The following XPO1 variants were observed in gnomAD, a reference collection of about 807,000 sequenced individuals.
XPO1 encodes exportin 1.
A neutral mutation model predicts 133.3 loss-of-function variants in XPO1; 5 were observed. The observed-to-expected ratio is 0.04, with a 90% CI of 0.02 to 0.08. XPO1 has a LOEUF of 0.08. Ranked by LOEUF, XPO1 falls within the 10% of genes least tolerant of loss-of-function variation. XPO1 has a pLI of 1.00. For synonymous variants in XPO1, 419 were observed against 408.2 expected (o/e 1.03, Z -0.32); for missense variants, 506 against 1,267.5 (o/e 0.40, Z 9.12).
At position 61,533,757 on chromosome 2, in the gene XPO1, G is replaced by T; in HGVS notation, c.126+15C>A. ...CACTGTCATAATGTTATAAAGTTTT[G>T]GTTGGCTACTTTACCTGGGCTCCTT... On this transcript the variant is annotated intron_variant, in intron 2 of 24. Coordinates refer to ENST00000401558, the MANE Select transcript of XPO1 (RefSeq NM_003400.4). The T allele has an allele frequency of 1.3e-6, 2 of 1,572,142 alleles. No individual in the cohort carries two copies. The highest frequency in any genetic ancestry group is 1.2e-5 in the South Asian group (1 of 83,102).
intron 9 of XPO1, 135 bp downstream of exon 9, chr2:61,498,538 A>T: frequency 8.8e-7 from 1 of 1,139,748 alleles, no homozygotes; most frequent in Non-Finnish European, 1.2e-6. Flanking sequence ...TGAATATGGG[A>T]AATTTCTCCT....
chr2:61,482,328 A>C, intron 23 of XPO1, 52 bp downstream of exon 23: 1 of 1,509,124 alleles, frequency 6.6e-7, no homozygotes, highest in Non-Finnish European at 8.9e-7. Flanking sequence ...TACAGGTGTG[A>C]GCCACTGTGC....
rs546377907 is a variant in XPO1, at chr2:61,535,676, ACT to A, written c.-6-1775_-6-1774del. ...TGATATGATGTAAAAATAATGTAAA[ACT>A]CAAGAAATTAGGAGTTCAAGAATTG... is the stretch of plus-strand genomic sequence containing the variant. On this transcript the variant is annotated intron_variant, in intron 1 of 24. Coordinates refer to ENST00000401558, the MANE Select transcript of XPO1 (RefSeq NM_003400.4). Among the ~76,000 whole-genome samples, 90 of 152,328 alleles carry A rather than the reference ACT, an allele frequency of 5.9e-4. 1 individual carries two copies. In the South Asian group the frequency reaches 0.016, roughly 28 times the overall value.
intron 4 of XPO1, among the ~76,000 whole-genome samples, chr2:61,514,546 T>G (rs1698263512): frequency 6.8e-6 from 1 of 147,122 alleles, no homozygotes; most frequent in Non-Finnish European, 1.5e-5. Flanking sequence ...TCAGCCGAGA[T>G]CAGGCCACTG....
intron 2 of XPO1, among the ~76,000 whole-genome samples, chr2:61,532,833 GA>G (rs111927772): frequency 5.6e-4 from 76 of 134,986 alleles, no homozygotes; most frequent in Non-Finnish European, 5.8e-4. Context: ...GACTCCATCT[GA>G]AAAAAAAAAA....
rs61072503 is a variant in XPO1 at position 61,491,459 on chromosome 2, A to AACACACACACACACACAC, written c.1887+558_1887+575dup. Among the ~76,000 whole-genome samples the AACACACACACACACACAC allele has an allele frequency of 9.8e-4, 140 of 142,998 alleles. 1 individual carries two copies. The highest frequency in any genetic ancestry group is 1.3e-3 in the African/African-American group (51 of 38,104). The allele number at this position is 142,998 out of a possible 152,430, so 93.8% of individuals were successfully genotyped here. A position where few individuals can be genotyped will look rare whatever the true frequency, so the allele number is the denominator to read the frequency against. On this transcript the variant is annotated intron_variant, in intron 16 of 24. Transcript: ENST00000401558. The stretch of plus-strand genomic sequence containing the variant: ...GAGTGAAACTCCATCTCAAAAAACA[A>AACACACACACACACACAC]ACACACACACACACACACACACACA...
chr2:61,516,586 G>T (rs991301493), intron 4 of XPO1, among the ~76,000 whole-genome samples: 1 of 151,708 alleles, frequency 6.6e-6, no homozygotes, highest in Admixed American at 6.6e-5. Flanking sequence ...GGCTAATTTT[G>T]TATTTGTAGT....
chr2:61,525,399 G>GA (rs937924077), intron 3 of XPO1: 253 of 981,500 alleles, frequency 2.6e-4, no homozygotes, highest in East Asian at 1.0e-3. Flanking sequence ...CATCTTTAAA[G>GA]AAAAAAAAAT....
rs1573133216 is a variant in XPO1 at position 61,494,059 on chromosome 2, T to C, written c.1080A>G (p.Val360=). Residue 360 remains valine, a synonymous_variant, in exon 12 of 25, where the codon GTA becomes GTG. Transcript: ENST00000401558. ...AAATTTTAAAGATTTCAGTTTCTTC[T>C]ACTTCAGATACCAACAACATATAAT... is the stretch of plus-strand genomic sequence containing the variant. ...ALHYMLLVSE[V]EETEIFKICL... The C allele has an allele frequency of 6.2e-7, 1 of 1,613,954 alleles. No homozygotes were observed. The highest frequency in any genetic ancestry group is 1.3e-5 in the African/African-American group (1 of 75,056).
intron 4 of XPO1, among the ~76,000 whole-genome samples, chr2:61,520,174 G>C (rs1201685031): frequency 6.6e-6 from 1 of 152,058 alleles, no homozygotes; most frequent in Non-Finnish European, 1.5e-5. Context: ...AAAGCAAAGC[G>C]AATACCTTTA....
chr2:61,502,333 T>TA (rs768477035), intron 4 of XPO1, 23 bp from the exon 5 acceptor site: 5 of 1,602,934 alleles, frequency 3.1e-6, no homozygotes, highest in African/African-American at 1.3e-5. Flanking sequence ...TTGCACGTAA[T>TA]AAAAAAATTG....
At position 61,478,578 on chromosome 2, in the gene XPO1, A is replaced by C. The variant is rs1041027011; in HGVS notation, c.*242T>G. 5 of 435,696 alleles carry C rather than the reference A, an allele frequency of 1.1e-5. No homozygotes were observed. The highest frequency in any genetic ancestry group is 1.9e-5 in the Non-Finnish European group (5 of 256,766). The allele number at this position is 435,696 out of a possible 1,614,324, so 27.0% of individuals were successfully genotyped here. A position where few individuals can be genotyped will look rare whatever the true frequency, so the allele number is the denominator to read the frequency against. On this transcript the variant is annotated 3_prime_UTR_variant, in exon 25 of 25. Coordinates refer to ENST00000401558, the MANE Select transcript of XPO1 (RefSeq NM_003400.4). ...AGCCACAAAAATGGGCATGAAGTAA[A>C]ATTTTTAAAAATGCCTTAATTTTCA...
chr2:61,489,156 A>G (rs1696842173), intron 17 of XPO1, among the ~76,000 whole-genome samples: 1 of 151,140 alleles, frequency 6.6e-6, no homozygotes, highest in African/African-American at 2.4e-5. Flanking sequence ...GCTCACACCT[A>G]TAATCCCAGC....
intron 4 of XPO1, among the ~76,000 whole-genome samples, chr2:61,512,978 G>A (rs1283217645): frequency 2.0e-5 from 3 of 152,182 alleles, no homozygotes; most frequent in African/African-American, 7.2e-5. Context: ...CTGGCCAGGA[G>A]ACAGAGCATG....
chr2:61,484,172 A>T, intron 20 of XPO1, 67 bp from the exon 21 acceptor site: 1 of 1,389,034 alleles, frequency 7.2e-7, no homozygotes, highest in Non-Finnish European at 1.0e-6. Flanking sequence ...GGAGGGGAAA[A>T]GCAAGGCTTA....
At chr2:61,510,310 C>G (rs150625321) in intron 4 of XPO1, among the ~76,000 whole-genome samples, 58 of 152,218 alleles carry the variant, frequency 3.8e-4, no homozygotes, top group Non-Finnish European at 5.0e-4. Flanking sequence ...CAAAATCGAT[C>G]TTTTGAAAGA....
intron 24 of XPO1, among the ~76,000 whole-genome samples, chr2:61,479,454 C>G (rs532399726): frequency 1.8e-3 from 191 of 108,942 alleles, no homozygotes; most frequent in Non-Finnish European, 2.5e-3. Flanking sequence ...CTGTGCCCCC[C>G]CAAAAAAAAC....
intron 1 of XPO1, chr2:61,536,806 G>C (rs574808702): frequency 2.0e-5 from 3 of 152,266 alleles, no homozygotes; most frequent in Non-Finnish European, 4.4e-5. Context: ...GAGGAGGTCC[G>C]GGCTGAGCCA....
intron 6 of XPO1, among the ~76,000 whole-genome samples, chr2:61,501,484 G>A (rs918434807): frequency 6.6e-6 from 1 of 151,840 alleles, no homozygotes; most frequent in Non-Finnish European, 1.5e-5. Context: ...CACTTTGGGA[G>A]GTCGAGGTGG....
Sources: allele counts gnomAD v4.1 joint callset (sites outside exome capture counted in the v4.1 genomes callset), GRCh38; gene constraint gnomAD v4.1.1; transcripts MANE v1.5; gene names NCBI Gene and HGNC (gene_info 2026-07-23, HGNC 2026-07-21).